ST6GALNAC3: variants seen among roughly 807,000 people sequenced by gnomAD.
ST6GALNAC3 encodes the protein ST6 N-acetylgalactosaminide alpha-2,6-sialyltransferase 3, also known as alpha-N-acetylgalactosaminide alpha-2,6-sialyltransferase 3.
In ST6GALNAC3, 25 loss-of-function variants were observed where a neutral mutation model predicts 32.7. The ratio of observed to expected loss-of-function variants is 0.76; its 90% CI spans 0.56 to 1.07. The LOEUF (loss-of-function observed/expected upper bound fraction) is 1.07. ST6GALNAC3 is among the 50% of genes least tolerant of loss of function. The probability of loss-of-function intolerance (pLI) is 0.00; values close to 1 mark genes in which losing one functional copy is unlikely to be tolerated. For synonymous variants in ST6GALNAC3, 129 were observed against 133.1 expected, an observed-to-expected ratio of 0.97 and a Z score of 0.21; for missense variants, 355 against 382.4, an observed-to-expected ratio of 0.93 and a Z score of 0.60.
chr1:76,443,481 TAGG>T (rs1473515298), intron 3 of ST6GALNAC3, among the ~76,000 whole-genome samples: 2 of 152,224 alleles, frequency 1.3e-5, no homozygotes, highest in Admixed American at 6.5e-5. Flanking sequence ...AGCCCAGAGC[TAGG>T]AGGAGTCTGC....
At chr1:76,309,833 A>G (rs1464407124) in intron 1 of ST6GALNAC3, 3 of 399,394 alleles carry the variant, frequency 7.5e-6, no homozygotes, top group Non-Finnish European at 1.5e-5. Context: ...TGCTCCCTTC[A>G]CCCTCTCTGT....
At chr1:76,267,319 A>G (rs2100745405) in intron 1 of ST6GALNAC3, among the ~76,000 whole-genome samples, 1 of 152,286 alleles carries the variant, frequency 6.6e-6, no homozygotes, top group East Asian at 1.9e-4. Context: ...GGTCTTGCTA[A>G]GTTGCTTCCT....
At chr1:76,403,626 G>C (rs1285744870) in intron 2 of ST6GALNAC3, among the ~76,000 whole-genome samples, 1 of 152,174 alleles carries the variant, frequency 6.6e-6, no homozygotes, top group East Asian at 1.9e-4. Context: ...ATTTTTAAAA[G>C]TTCTCCTGGT....
At chr1:76,098,476 G>T (rs172358) in intron 1 of ST6GALNAC3, among the ~76,000 whole-genome samples, 92,936 of 151,952 alleles carry the variant, frequency 0.61, 28,955 homozygotes, top group African/African-American at 0.68. Context: ...CTGTTAGGTA[G>T]GCAGTGGTAT....
chr1:76,096,380 G>GT (rs1361577069), intron 1 of ST6GALNAC3, among the ~76,000 whole-genome samples: 1 of 151,954 alleles, frequency 6.6e-6, no homozygotes, highest in Non-Finnish European at 1.5e-5. Flanking sequence ...TATTGCATTT[G>GT]TTTTACTGCT....
intron 1 of ST6GALNAC3, among the ~76,000 whole-genome samples, chr1:76,139,829 C>A (rs1305920140): frequency 6.6e-6 from 1 of 152,168 alleles, no homozygotes; most frequent in Non-Finnish European, 1.5e-5. Flanking sequence ...GATGATCTTT[C>A]AGATTCTAAC....
chr1:76,297,797 A>G (rs947840841), intron 1 of ST6GALNAC3, among the ~76,000 whole-genome samples: 2 of 152,090 alleles, frequency 1.3e-5, no homozygotes, highest in Admixed American at 1.3e-4. Flanking sequence ...ATACAGATAT[A>G]TAATTTGTAC....
At chr1:76,179,868 G>A (rs1653070271) in intron 1 of ST6GALNAC3, among the ~76,000 whole-genome samples, 1 of 152,108 alleles carries the variant, frequency 6.6e-6, no homozygotes, top group African/African-American at 2.4e-5. Flanking sequence ...TTAGGTATTT[G>A]TATGGTTCCC....
intron 3 of ST6GALNAC3, among the ~76,000 whole-genome samples, chr1:76,606,382 G>T (rs1438297900): frequency 6.6e-6 from 1 of 152,102 alleles, no homozygotes; most frequent in Non-Finnish European, 1.5e-5. Context: ...ATAGTATGAA[G>T]CCATAACAAG....
At chr1:76,372,211 G>GCC (rs2101083394) in intron 2 of ST6GALNAC3, among the ~76,000 whole-genome samples, 1 of 152,272 alleles carries the variant, frequency 6.6e-6, no homozygotes, top group African/African-American at 2.4e-5. Context: ...GACTGATTAA[G>GCC]AGCTCTGCCT....
In ST6GALNAC3 at chr1:76,503,024, G is replaced by A. The variant is rs72989913; in HGVS notation, c.623+90607G>A. On this transcript the variant is annotated intron_variant, in intron 3 of 4. Coordinates refer to ENST00000328299, the MANE Select transcript of ST6GALNAC3 (RefSeq NM_152996.4). ...TTAATTCGTATCTCAGTGTAGGTAA[G>A]GTTGAAATTAAGAGTTGTACGCTAA... is the stretch of plus-strand genomic sequence containing the variant. Among the ~76,000 whole-genome samples, 247 of 152,234 alleles carry A rather than the reference G, an allele frequency of 1.6e-3. 1 individual carries two copies. Among genetic ancestry groups the A allele is most frequent in the African/African-American group, 5.8e-3 (239 of 41,492 alleles).
chr1:76,134,100 G>A (rs1316427291), intron 1 of ST6GALNAC3, among the ~76,000 whole-genome samples: 1 of 152,182 alleles, frequency 6.6e-6, no homozygotes, highest in Non-Finnish European at 1.5e-5. Flanking sequence ...AGACTCTGAG[G>A]CCAAGGAATA....
chr1:76,102,235 T>TTG (rs60454163), intron 1 of ST6GALNAC3, among the ~76,000 whole-genome samples: 24,532 of 147,382 alleles, frequency 0.17, 2,170 homozygotes, highest in Admixed American at 0.25. Flanking sequence ...CCTGGTGTGT[T>TTG]TGTGTGTGTG....
intron 3 of ST6GALNAC3, among the ~76,000 whole-genome samples, chr1:76,510,066 G>A (rs1661749965): frequency 6.6e-6 from 1 of 152,280 alleles, no homozygotes; most frequent in African/African-American, 2.4e-5. Flanking sequence ...TTTTCTGAGG[G>A]CTGAGACTGA....
At position 76,632,690 on chromosome 1, in the gene ST6GALNAC3, AGAG is replaced by A. The variant is rs1410962163; in HGVS notation, c.*3885_*3887del. On this transcript the variant is annotated 3_prime_UTR_variant, in exon 5 of 5. Coordinates refer to ENST00000328299, the MANE Select transcript of ST6GALNAC3 (RefSeq NM_152996.4). ...CATCAGAAGAAAATCACTGTTACTT[AGAG>A]AAGAGACAACACTAAAGTACTTCAC... 6.6e-6 allele frequency: 1 copy of A among 152,150 alleles called. No individual in the cohort carries two copies. Among genetic ancestry groups the A allele is most frequent in the Non-Finnish European group, 1.5e-5 (1 of 68,016 alleles). 9.4% of individuals were successfully genotyped at this position (152,150 alleles called of 1,614,324 possible).
chr1:76,365,618 A>G (rs1368359725), intron 2 of ST6GALNAC3, among the ~76,000 whole-genome samples: 2 of 152,224 alleles, frequency 1.3e-5, no homozygotes, highest in Non-Finnish European at 2.9e-5. Context: ...AGAGATCTTT[A>G]CCAATGAACA....
intron 1 of ST6GALNAC3, among the ~76,000 whole-genome samples, chr1:76,300,848 G>A (rs73002412): frequency 0.014 from 2,125 of 152,100 alleles, 46 homozygotes; most frequent in African/African-American, 0.049. Context: ...AATCTTCTTG[G>A]AGGGGCAGGA....
chr1:76,523,854 C>T (rs545823852), intron 3 of ST6GALNAC3, among the ~76,000 whole-genome samples: 35 of 152,174 alleles, frequency 2.3e-4, no homozygotes, highest in African/African-American at 8.4e-4. Context: ...CTTGTAAATG[C>T]CAAAATGTCT....
intron 2 of ST6GALNAC3, among the ~76,000 whole-genome samples, chr1:76,404,719 A>C (rs1322967995): frequency 6.6e-6 from 1 of 152,106 alleles, no homozygotes; most frequent in Non-Finnish European, 1.5e-5. Context: ...ATTCATTCAA[A>C]TTGGATAATG....
Sources: gnomAD v4.1 joint callset for allele counts (sites outside exome capture counted in the v4.1 genomes callset) on GRCh38, gnomAD v4.1.1 for gene constraint, MANE v1.5 for transcripts, NCBI Gene and HGNC (gene_info 2026-07-23, HGNC 2026-07-21) for gene names.